Variants in CDKAL1 observed in about 807,000 individuals in gnomAD.
CDKAL1 encodes CDKAL1 threonylcarbamoyladenosine tRNA methylthiotransferase.
A neutral mutation model predicts 68.2 loss-of-function variants in CDKAL1; 32 were observed. The observed-to-expected ratio is 0.47, with a 90% CI of 0.35 to 0.63. The LOEUF is 0.63. Ranked by LOEUF, CDKAL1 falls within the 30% of genes least tolerant of loss-of-function variation. The pLI, the probability that CDKAL1 is intolerant of heterozygous loss-of-function variation, is 0.00. For missense variants in CDKAL1, 606 were observed against 696.7 expected, an observed-to-expected ratio of 0.87 and a Z score of 1.47; for synonymous variants, 234 against 244.3, an observed-to-expected ratio of 0.96 and a Z score of 0.39.
chr6:20,628,962 C>G lies in CDKAL1; in HGVS notation c.287-20331C>G, dbSNP rs150636915. 9.3e-4 allele frequency among the ~76,000 whole-genome samples: 142 copies of G among 152,160 alleles called. 1 individual carries two copies. In the East Asian group the frequency reaches 0.025, roughly 26 times the overall value. ...TGTGTGTTTCCTATAAAATTATTCT[C>G]CTACGCAACTACGACAAAGCCATCA... On this transcript the variant is annotated intron_variant, in intron 4 of 15. Coordinates refer to ENST00000274695, the MANE Select transcript of CDKAL1 (RefSeq NM_017774.3).
At chr6:20,729,651 T>C (rs1772817095) in intron 5 of CDKAL1, among the ~76,000 whole-genome samples, 1 of 152,170 alleles carries the variant, frequency 6.6e-6, no homozygotes, top group Admixed American at 6.5e-5. Context: ...GGTAGGAAAT[T>C]CTATTACAGG....
intron 13 of CDKAL1, among the ~76,000 whole-genome samples, chr6:21,188,309 A>T (rs1307792282): frequency 1.3e-5 from 2 of 152,182 alleles, no homozygotes; most frequent in African/African-American, 4.8e-5. Flanking sequence ...CTAATAATTT[A>T]TATTTCCTCC....
chr6:20,609,398 C>T (rs1453102994), intron 4 of CDKAL1, among the ~76,000 whole-genome samples: 138 of 83,380 alleles, frequency 1.7e-3, no homozygotes, highest in African/African-American at 6.7e-3. Flanking sequence ...TCTTCTTCTT[C>T]TTCTTTTTTT....
At chr6:21,198,139 A>T (rs765005601) in intron 14 of CDKAL1, 35 bp downstream of exon 14, 1 of 1,382,556 alleles carries the variant, frequency 7.2e-7, no homozygotes, top group Admixed American at 1.9e-5. Context: ...AGTTTTCTCC[A>T]AAGTGAGAAA....
At chr6:20,544,801 A>C (rs1338076011) in intron 2 of CDKAL1, among the ~76,000 whole-genome samples, 1 of 152,086 alleles carries the variant, frequency 6.6e-6, no homozygotes, top group Non-Finnish European at 1.5e-5. Flanking sequence ...CTGACACTGC[A>C]AAACTTCATT....
intron 13 of CDKAL1, among the ~76,000 whole-genome samples, chr6:21,177,711 G>T (rs998749612): frequency 6.7e-6 from 1 of 150,052 alleles, no homozygotes; most frequent in Non-Finnish European, 1.5e-5. Context: ...CTCCAAAATG[G>T]CTAATGGATC....
chr6:20,996,137 C>T (rs1324435626), intron 10 of CDKAL1, among the ~76,000 whole-genome samples: 1 of 152,216 alleles, frequency 6.6e-6, no homozygotes, highest in African/African-American at 2.4e-5. Context: ...AGAGTTAGGG[C>T]CTTGCTCTGG....
At chr6:20,747,340 C>T (rs1773706151) in intron 6 of CDKAL1, among the ~76,000 whole-genome samples, 1 of 152,092 alleles carries the variant, frequency 6.6e-6, no homozygotes, top group African/African-American at 2.4e-5. Flanking sequence ...GATTTCATTT[C>T]CTTTGGATAT....
intron 7 of CDKAL1, among the ~76,000 whole-genome samples, chr6:20,780,390 C>G (rs1775368145): frequency 6.6e-6 from 1 of 151,660 alleles, no homozygotes; most frequent in African/African-American, 2.4e-5. Flanking sequence ...TTTATCTCAG[C>G]TTTTTGTTTA....
chr6:21,224,957 C>T (rs964845871), intron 15 of CDKAL1, among the ~76,000 whole-genome samples: 5 of 152,248 alleles, frequency 3.3e-5, no homozygotes, highest in East Asian at 1.9e-4. Flanking sequence ...ATATTTGCTC[C>T]TATATAAAAT....
intron 9 of CDKAL1, among the ~76,000 whole-genome samples, chr6:20,865,763 C>CT (rs1759876601): frequency 6.6e-6 from 1 of 152,100 alleles, no homozygotes; most frequent in African/African-American, 2.4e-5. Flanking sequence ...AAGATTGGTT[C>CT]TGCCACATAT....
chr6:21,165,949 A>G (rs1777132669), intron 13 of CDKAL1, among the ~76,000 whole-genome samples: 1 of 152,232 alleles, frequency 6.6e-6, no homozygotes, highest in East Asian at 1.9e-4. Context: ...CTGGATTCAC[A>G]TCCTGGCTCT....
chr6:20,685,799 G>C (rs1191019788), intron 5 of CDKAL1, among the ~76,000 whole-genome samples: 1 of 152,126 alleles, frequency 6.6e-6, no homozygotes, highest in Non-Finnish European at 1.5e-5. Context: ...TTGTTGCTCA[G>C]TCTGCTCTTG....
chr6:20,893,734 G>GATA (rs1761531939), intron 9 of CDKAL1, among the ~76,000 whole-genome samples: 1 of 152,068 alleles, frequency 6.6e-6, no homozygotes, highest in African/African-American at 2.4e-5. Context: ...GCAAAATGAG[G>GATA]ATAATAACAG....
At chr6:21,173,397 A>G (rs913733587) in intron 13 of CDKAL1, among the ~76,000 whole-genome samples, 1 of 152,114 alleles carries the variant, frequency 6.6e-6, no homozygotes, top group Non-Finnish European at 1.5e-5. Flanking sequence ...TATTTAGGAA[A>G]GTGTTTTAAA....
rs918479214 is a variant in CDKAL1, at chr6:20,539,891, G to T, written c.-6+4497G>T. Among the ~76,000 whole-genome samples, 6 of 152,102 alleles carry T rather than the reference G, an allele frequency of 3.9e-5. No individual in the cohort carries two copies. Among genetic ancestry groups the T allele is most frequent in the Non-Finnish European group, 7.4e-5 (5 of 68,020 alleles). On this transcript the variant is annotated intron_variant, in intron 2 of 15. Transcript: ENST00000274695. The surrounding 1 kb of genome is among the most constrained non-coding windows in gnomAD (Gnocchi z 4.3). ...GATAGAAGCAAGGATATTAGGGATTGCAATAATCCAGACAAGAGGTGATGT... is the reference window on the plus strand; with the variant it reads ...GATAGAAGCAAGGATATTAGGGATTTCAATAATCCAGACAAGAGGTGATGT...
intron 8 of CDKAL1, among the ~76,000 whole-genome samples, chr6:20,836,608 T>C (rs1198923624): frequency 6.6e-6 from 1 of 152,204 alleles, no homozygotes; most frequent in East Asian, 1.9e-4. Flanking sequence ...TAAATTGACG[T>C]ATTTCCTCTG....
At chr6:21,081,699 G>A (rs1336067225) in intron 12 of CDKAL1, among the ~76,000 whole-genome samples, 4 of 150,550 alleles carry the variant, frequency 2.7e-5, no homozygotes, top group Non-Finnish European at 2.9e-5. Flanking sequence ...AGCCTCCCAA[G>A]TAGCTGGGAC....
intron 15 of CDKAL1, among the ~76,000 whole-genome samples, chr6:21,222,401 T>A (rs1779572221): frequency 6.6e-6 from 1 of 152,220 alleles, no homozygotes; most frequent in South Asian, 2.1e-4. Flanking sequence ...CGAGGTCTTA[T>A]AATGGAAATG....
Sources: gnomAD v4.1 joint callset for allele counts (sites outside exome capture counted in the v4.1 genomes callset) on GRCh38, gnomAD v4.1.1 for gene constraint, Gnocchi (gnomAD v3.1) non-coding constraint, MANE v1.5 for transcripts, NCBI Gene and HGNC (gene_info 2026-07-23, HGNC 2026-07-21) for gene names.